The following PDE4D variants were observed in gnomAD, a reference collection of about 807,000 sequenced individuals.
PDE4D encodes the protein 3',5'-cyclic-AMP phosphodiesterase 4D.
PDE4D carries 24 observed loss-of-function variants against 87.4 expected under a neutral mutation model. The ratio of observed to expected loss-of-function variants is 0.27; its 90% CI spans 0.20 to 0.39. PDE4D has a LOEUF of 0.39. Among genes scored for constraint, PDE4D ranks in the 10% least tolerant of loss-of-function variants. PDE4D has a pLI of 1.00. For synonymous variants in PDE4D, 384 were observed against 383.2 expected, an observed-to-expected ratio of 1.00 and a Z score of -0.02; for missense variants, 714 against 1,041.0, an observed-to-expected ratio of 0.69 and a Z score of 4.32.
chr5:59,149,884 C>T (rs2153459524), intron 5 of PDE4D, among the ~76,000 whole-genome samples: 1 of 151,906 alleles, frequency 6.6e-6, no homozygotes, highest in Non-Finnish European at 1.5e-5. Context: ...CATCTAAGCA[C>T]TTATTTGAAA....
chr5:60,455,155 T>A (rs762535690), intron 1 of PDE4D, among the ~76,000 whole-genome samples: 1 of 152,142 alleles, frequency 6.6e-6, no homozygotes, highest in Non-Finnish European at 1.5e-5. Context: ...TGTCAACAAA[T>A]ACCTACAGGT....
At position 59,257,318 on chromosome 5, in the gene PDE4D, GAA is replaced by G. The variant is rs1761166377; in HGVS notation, c.456-41352_456-41351del. ...TCATAAACTCCTTAAGGGTGGCCAG[GAA>G]AAAGAACACCACATACATCCTGAGC... On this transcript the variant is annotated intron_variant, in intron 1 of 14. Coordinates refer to ENST00000340635, the MANE Select transcript of PDE4D (RefSeq NM_001104631.2). Among the ~76,000 whole-genome samples the G allele has an allele frequency of 3.3e-5, 5 of 152,058 alleles. No individual in the cohort carries two copies. The South Asian group carries it at 1.0e-3, about 32-fold the overall frequency.
intron 6 of PDE4D, among the ~76,000 whole-genome samples, chr5:59,021,820 G>A (rs776048675): frequency 4.0e-4 from 61 of 152,098 alleles, no homozygotes; most frequent in Non-Finnish European, 1.3e-4. Context: ...TACTCTTCCA[G>A]CATCTAATAA....
chr5:59,367,628 G>A (rs889710268), intron 1 of PDE4D, among the ~76,000 whole-genome samples: 4 of 152,188 alleles, frequency 2.6e-5, no homozygotes, highest in Non-Finnish European at 2.9e-5. Flanking sequence ...AAAGTAGTGA[G>A]AGAGAAGTCC....
At chr5:59,027,912 C>G (rs2153382127) in intron 6 of PDE4D, among the ~76,000 whole-genome samples, 1 of 151,740 alleles carries the variant, frequency 6.6e-6, no homozygotes, top group East Asian at 1.9e-4. Flanking sequence ...GCTGATAGAG[C>G]AAGGAAATAT....
intron 1 of PDE4D, among the ~76,000 whole-genome samples, chr5:59,812,249 C>T (rs983632585): frequency 1.3e-5 from 2 of 152,136 alleles, no homozygotes; most frequent in Non-Finnish European, 2.9e-5. Context: ...TATCTACTAC[C>T]GCTTTCAAGG....
intron 2 of PDE4D, among the ~76,000 whole-genome samples, chr5:60,116,576 A>G (rs951313336): frequency 1.3e-5 from 2 of 152,102 alleles, no homozygotes; most frequent in Non-Finnish European, 1.5e-5. Flanking sequence ...CATAATGCAG[A>G]AACTGATAGT....
intron 4 of PDE4D, among the ~76,000 whole-genome samples, chr5:59,182,050 G>A (rs888260073): frequency 9.9e-5 from 15 of 151,978 alleles, no homozygotes; most frequent in African/African-American, 3.6e-4. Flanking sequence ...TATTGGTATC[G>A]ATTTGGGATT....
At chr5:59,616,945 A>ATATATATATATATATATCTC (rs936160133) in intron 1 of PDE4D, among the ~76,000 whole-genome samples, 4 of 137,262 alleles carry the variant, frequency 2.9e-5, no homozygotes, top group African/African-American at 5.3e-5. Flanking sequence ...ATATATATAT[A>ATATATATATATATATATCTC]TCTCCAAGAT....
chr5:59,558,613 G>T (rs1038118554), intron 1 of PDE4D: 1 of 152,150 alleles, frequency 6.6e-6, no homozygotes, highest in African/African-American at 2.4e-5. Flanking sequence ...GTAAGGGATT[G>T]AAGAGATATT....
At chr5:60,368,899 A>G (rs529851390) in intron 1 of PDE4D, among the ~76,000 whole-genome samples, 1 of 152,260 alleles carries the variant, frequency 6.6e-6, no homozygotes, top group East Asian at 1.9e-4. Context: ...CCGCAGAACC[A>G]TGAGCCAATT....
intron 1 of PDE4D, among the ~76,000 whole-genome samples, chr5:59,738,363 C>T (rs1448100665): frequency 6.6e-6 from 1 of 151,998 alleles, no homozygotes; most frequent in Non-Finnish European, 1.5e-5. Context: ...GTTCCTTTCC[C>T]CATGAATAGG....
At chr5:59,028,861 A>G (rs796985485) in intron 6 of PDE4D, among the ~76,000 whole-genome samples, 3 of 152,292 alleles carry the variant, frequency 2.0e-5, no homozygotes, top group African/African-American at 7.2e-5. Flanking sequence ...GTGTTAGTAA[A>G]TGGTAGGCAA....
chr5:60,374,008 C>G (rs1323912340), intron 1 of PDE4D, among the ~76,000 whole-genome samples: 4 of 152,140 alleles, frequency 2.6e-5, no homozygotes, highest in African/African-American at 9.7e-5. Context: ...ACTTATTCCC[C>G]CCTTGTCAAA....
chr5:59,786,503 C>G (rs150150588), intron 1 of PDE4D, among the ~76,000 whole-genome samples: 5 of 152,332 alleles, frequency 3.3e-5, no homozygotes, highest in African/African-American at 4.8e-5. Flanking sequence ...AAAACCTCAG[C>G]TTCCTGAGGC....
At chr5:60,417,863 A>C (rs1742745144) in intron 1 of PDE4D, among the ~76,000 whole-genome samples, 1 of 151,944 alleles carries the variant, frequency 6.6e-6, no homozygotes, top group South Asian at 2.1e-4. Flanking sequence ...ATAATGTTTA[A>C]ATGGTCAGGG....
chr5:59,715,932 A>G (rs1754954940), intron 1 of PDE4D, among the ~76,000 whole-genome samples: 1 of 152,124 alleles, frequency 6.6e-6, no homozygotes, highest in African/African-American at 2.4e-5. Flanking sequence ...TCTCCATTTA[A>G]AAGACTCCTT....
At chr5:59,734,693 TAAAA>T (rs35720201) in intron 1 of PDE4D, among the ~76,000 whole-genome samples, 1 of 151,810 alleles carries the variant, frequency 6.6e-6, no homozygotes, top group African/African-American at 2.4e-5. Context: ...GTCATGGACT[TAAAA>T]AAAATTCTCT....
chr5:59,804,660 A>G (rs1312780630), intron 1 of PDE4D, among the ~76,000 whole-genome samples: 1 of 152,254 alleles, frequency 6.6e-6, no homozygotes, highest in Non-Finnish European at 1.5e-5. Context: ...CAAAGAAGCT[A>G]AACTCGGAAG....
Sources: allele counts gnomAD v4.1 joint callset (sites outside exome capture counted in the v4.1 genomes callset), GRCh38; gene constraint gnomAD v4.1.1; transcripts MANE v1.5; gene names NCBI Gene and HGNC (gene_info 2026-07-23, HGNC 2026-07-21).